Variants in WBP2NL observed in about 807,000 individuals in gnomAD.
WBP2NL encodes the protein postacrosomal sheath WW domain-binding protein.
Under a neutral mutation model 23.3 loss-of-function variants are expected in WBP2NL, and 27 were observed. The observed-to-expected ratio is 1.16, with a 90% confidence interval of 0.85 to 1.60. The LOEUF (loss-of-function observed/expected upper bound fraction) is 1.60. WBP2NL is among the 40% of genes most tolerant of loss of function. The probability of loss-of-function intolerance (pLI) is 0.00; values close to 1 mark genes in which losing one functional copy is unlikely to be tolerated. For synonymous variants in WBP2NL, 151 were observed against 145.9 expected, an observed-to-expected ratio of 1.03 and a Z score of -0.25; for missense variants, 370 against 389.5, an observed-to-expected ratio of 0.95 and a Z score of 0.42.
Position 42,019,337 on chromosome 22 carries a change from A to G in WBP2NL, c.89A>G (p.Glu30Gly). ...CTCTTGAAGCGGTCTCCGAATGTGG[A>G]GCTCTCCTTCCCACAGCGATCAGAA... ...ESLLKRSPNV[E>G]LSFPQRSEGS... Residue 30 changes from glutamate (E) to glycine (G), a missense_variant, in exon 2 of 6, where the codon GAG (glutamate) becomes GGG (glycine). Physicochemically the swap from Glu to Gly is moderately conservative, Grantham distance 98. Transcript: ENST00000328823. 6.2e-7 allele frequency: 1 copy of G among 1,613,944 alleles called. No homozygotes were observed. Among genetic ancestry groups the G allele is most frequent in the East Asian group, 2.2e-5 (1 of 44,880 alleles).
downstream of WBP2NL, among the ~76,000 whole-genome samples, chr22:42,034,285 G>A (rs754458959): frequency 7.9e-5 from 12 of 152,302 alleles, no homozygotes; most frequent in Non-Finnish European, 1.8e-4. Context: ...CTAAGCGTCG[G>A]CTGACTTGAG....
chr22:42,014,207 C>T (rs1264552525), intron 1 of WBP2NL, among the ~76,000 whole-genome samples: 1 of 152,166 alleles, frequency 6.6e-6, no homozygotes, highest in African/African-American at 2.4e-5. Context: ...AGGCATGAGC[C>T]ACTGTTTCCG....
Position 42,008,477 on chromosome 22 carries a change from G to A in WBP2NL, c.62+9597G>A, listed in dbSNP as rs181761224. On this transcript the variant is annotated intron_variant, in intron 1 of 5. Coordinates refer to ENST00000328823, the MANE Select transcript of WBP2NL (RefSeq NM_152613.3). ...TCACCTTGGCCTCCCAAAGTGCTGG[G>A]ATTACAGGCATGAGCCACCATGCCT... Among the ~76,000 whole-genome samples the A allele has an allele frequency of 1.4e-3, 206 of 152,168 alleles. 1 individual carries two copies. The highest frequency in any genetic ancestry group is 2.3e-3 in the Non-Finnish European group (159 of 68,008).
chr22:42,038,071 G>A (rs1925257722), intron 8 of WBP2NL, among the ~76,000 whole-genome samples: 1 of 152,150 alleles, frequency 6.6e-6, no homozygotes, highest in Admixed American at 6.6e-5. Flanking sequence ...GGAAAGAAAA[G>A]CTTTCAGTCT....
chr22:42,054,876 A>C (rs1188488434), intron 8 of WBP2NL, among the ~76,000 whole-genome samples: 1 of 152,142 alleles, frequency 6.6e-6, no homozygotes, highest in South Asian at 2.1e-4. Flanking sequence ...CAACAGAGTG[A>C]GACCTGGTGT....
chr22:42,043,757 T>TG (rs1290940133), intron 8 of WBP2NL, among the ~76,000 whole-genome samples: 1 of 151,918 alleles, frequency 6.6e-6, no homozygotes, highest in Non-Finnish European at 1.5e-5. Flanking sequence ...GATGGAGTCT[T>TG]GCTCTGTTGC....
At chr22:42,007,340 G>A (rs1922346749) in intron 1 of WBP2NL, among the ~76,000 whole-genome samples, 1 of 151,954 alleles carries the variant, frequency 6.6e-6, no homozygotes, top group Non-Finnish European at 1.5e-5. Flanking sequence ...GGAATTGTGA[G>A]GTCAGAGGAT....
exon 9 of WBP2NL, chr22:42,058,359 T>A (rs1478579697): frequency 6.6e-6 from 1 of 152,160 alleles, no homozygotes; most frequent in Non-Finnish European, 1.5e-5. Flanking sequence ...CGTTGATGGT[T>A]ACTGGAGCTG....
At chr22:42,013,809 C>G (rs1310711347) in intron 1 of WBP2NL, among the ~76,000 whole-genome samples, 1 of 151,170 alleles carries the variant, frequency 6.6e-6, no homozygotes, top group Non-Finnish European at 1.5e-5. Flanking sequence ...GAGAGAGAGT[C>G]TCACTCTGTT....
rs898898423 is a variant in WBP2NL, at chr22:42,043,623, C to T, written c.*273+12800C>T. On this transcript the variant is annotated intron_variant and NMD_transcript_variant, in intron 8 of 8. Coordinates refer to the WBP2NL transcript ENST00000436265. Reference sequence around the variant, plus strand: ...ATGGAGGGAAGGGCCAGCAACCATTCTGGATCAGCTGCATGCATGTGCACA... The same window carrying T: ...ATGGAGGGAAGGGCCAGCAACCATTTTGGATCAGCTGCATGCATGTGCACA... Among the ~76,000 whole-genome samples the T allele has an allele frequency of 9.2e-5, 14 of 152,310 alleles. No homozygotes were observed. In the South Asian group the frequency reaches 2.5e-3, roughly 27 times the overall value.
At chr22:42,023,633 C>T (rs541361298) in intron 5 of WBP2NL, among the ~76,000 whole-genome samples, 5 of 151,056 alleles carry the variant, frequency 3.3e-5, no homozygotes, top group Non-Finnish European at 3.0e-5. Flanking sequence ...CTGGGACTAC[C>T]GGCGCCCGCC....
chr22:42,018,213 G>A (rs745819516), intron 1 of WBP2NL, among the ~76,000 whole-genome samples: 2 of 151,078 alleles, frequency 1.3e-5, no homozygotes, highest in Admixed American at 6.6e-5. Context: ...CTACTCAGGA[G>A]GCTGAATGGG....
intron 5 of WBP2NL, among the ~76,000 whole-genome samples, chr22:42,026,494 A>G (rs1192044829): frequency 6.6e-6 from 1 of 152,060 alleles, no homozygotes; most frequent in Non-Finnish European, 1.5e-5. Context: ...TTCATAATCA[A>G]ACTTTATTAA....
Position 42,027,535 on chromosome 22 carries a change from C to T in WBP2NL, c.*354C>T. On this transcript the variant is annotated 3_prime_UTR_variant, in exon 6 of 6. Coordinates refer to ENST00000328823, the MANE Select transcript of WBP2NL (RefSeq NM_152613.3). ...AGAAACATTTATTATGCTCCGTTTG[C>T]TAGGCACTAAGATGCGTGCTAAAAA... 1 of 290,390 alleles carries T rather than the reference C, an allele frequency of 3.4e-6. No homozygotes were observed. Among genetic ancestry groups the T allele is most frequent in the Non-Finnish European group, 6.4e-6 (1 of 156,876 alleles). The allele number at this position is 290,390 out of a possible 1,614,324, so 18.0% of individuals were successfully genotyped here.
intron 1 of WBP2NL, among the ~76,000 whole-genome samples, chr22:41,999,892 A>G (rs1921429727): frequency 6.6e-6 from 1 of 152,090 alleles, no homozygotes. Context: ...TGAGCTCTCT[A>G]CTGGAGCAGA....
intron 4 of WBP2NL, among the ~76,000 whole-genome samples, chr22:42,020,899 TATATA>T (rs1569450089): frequency 4.1e-4 from 23 of 56,592 alleles, no homozygotes; most frequent in Non-Finnish European, 6.0e-4. Flanking sequence ...TATATATATA[TATATA>T]TATATTTTTT....
At chr22:42,012,289 G>C (rs1432479991) in intron 1 of WBP2NL, among the ~76,000 whole-genome samples, 1 of 151,572 alleles carries the variant, frequency 6.6e-6, no homozygotes, top group Non-Finnish European at 1.5e-5. Flanking sequence ...AGTTCCTTGA[G>C]GCATAAAGTT....
chr22:42,039,908 GT>G (rs80348568), intron 8 of WBP2NL, among the ~76,000 whole-genome samples: 4,673 of 135,582 alleles, frequency 0.034, 219 homozygotes, highest in African/African-American at 0.12. Context: ...GTACAGTTAG[GT>G]TTTTTTTTTT....
chr22:42,001,699 G>T, intron 1 of WBP2NL: 1 of 1,225,746 alleles, frequency 8.2e-7, no homozygotes, highest in Non-Finnish European at 1.2e-6. Context: ...TATCTTTGAA[G>T]GTGAAGTTAA....
Sources: allele counts gnomAD v4.1 joint callset (sites outside exome capture counted in the v4.1 genomes callset), GRCh38; gene constraint gnomAD v4.1.1; transcripts MANE v1.5; gene names NCBI Gene and HGNC (gene_info 2026-07-23, HGNC 2026-07-21).